The following ANKRD30BL variants were observed in gnomAD, a reference collection of about 807,000 sequenced individuals.
ANKRD30BL encodes ankyrin repeat domain 30B like.
A neutral mutation model predicts 18.4 loss-of-function variants in ANKRD30BL; 20 were observed. That is an observed-to-expected ratio of 1.09 (90% CI 0.77 to 1.58). The LOEUF (loss-of-function observed/expected upper bound fraction) is 1.58, where lower values mean the gene tolerates loss of function less well. ANKRD30BL is among the 40% of genes most tolerant of loss of function. The probability of loss-of-function intolerance (pLI) is 0.00; values close to 1 mark genes in which losing one functional copy is unlikely to be tolerated. For synonymous variants in ANKRD30BL, 72 were observed against 100.9 expected, an observed-to-expected ratio of 0.71 and a Z score of 1.72; for missense variants, 224 against 268.6, an observed-to-expected ratio of 0.83 and a Z score of 1.16.
At chr2:132,249,700 A>C (rs1429713953) in intron 1 of ANKRD30BL, among the ~76,000 whole-genome samples, 2 of 152,168 alleles carry the variant, frequency 1.3e-5, no homozygotes, top group Non-Finnish European at 2.9e-5. Flanking sequence ...TGCCGATTCT[A>C]CAAAAATACT....
chr2:132,231,927 A>G lies in ANKRD30BL; in HGVS notation n.441+25602T>C, dbSNP rs1182363288. ...AAAGCAGTAACCTCTGCAGACTTAA[A>G]TGTCCCTGTCTGACAGCTTTGAAGA... On this transcript the variant is annotated intron_variant and non_coding_transcript_variant, in intron 1 of 4. Coordinates refer to the ANKRD30BL transcript ENST00000470729. 2.6e-5 allele frequency among the ~76,000 whole-genome samples: 4 copies of G among 152,184 alleles called. No homozygotes were observed. In the East Asian group the frequency reaches 7.7e-4, roughly 29 times the overall value.
In ANKRD30BL at chr2:132,152,389, A is replaced by T. The variant is rs577400021; in HGVS notation, c.615-1413T>A. ...ATACGTGAAGACTGATCAGTGATGG[A>T]TGAGGCTTAGCTCTGTTAAATCTAA... On this transcript the variant is annotated intron_variant, in intron 4 of 5. Coordinates refer to ENST00000409867, the MANE Select transcript of ANKRD30BL (RefSeq NM_001358416.1). 11 of 152,344 alleles carry T rather than the reference A, an allele frequency of 7.2e-5. No homozygotes were observed. In the South Asian group the frequency reaches 2.1e-3, roughly 29 times the overall value. The allele number at this position is 152,344 out of a possible 1,614,324, so 9.4% of individuals were successfully genotyped here.
At chr2:132,235,151 A>T (rs968292548) in intron 1 of ANKRD30BL, among the ~76,000 whole-genome samples, 1 of 152,210 alleles carries the variant, frequency 6.6e-6, no homozygotes, top group Non-Finnish European at 1.5e-5. Flanking sequence ...TTCATGCTAA[A>T]ATCTCTCAAT....
chr2:132,243,418 T>A (rs1366688479), intron 1 of ANKRD30BL, among the ~76,000 whole-genome samples: 1 of 151,602 alleles, frequency 6.6e-6, no homozygotes, highest in Non-Finnish European at 1.5e-5. Flanking sequence ...GACAGAAGAA[T>A]TCTTACAAAT....
chr2:132,257,320 G>A (rs538854235), intron 1 of ANKRD30BL, among the ~76,000 whole-genome samples: 2 of 152,358 alleles, frequency 1.3e-5, no homozygotes, highest in East Asian at 3.9e-4. Context: ...CGGGCAGAGA[G>A]CCGGCTCACA....
Position 132,256,070 on chromosome 2 carries a change from C to G in ANKRD30BL, n.441+1459G>C, listed in dbSNP as rs573571144. Among the ~76,000 whole-genome samples, 195 of 152,310 alleles carry G rather than the reference C, an allele frequency of 1.3e-3. 4 individuals carry two copies. The highest frequency in any genetic ancestry group is 4.4e-3 in the African/African-American group (182 of 41,570). The stretch of plus-strand genomic sequence containing the variant: ...GTTTTCCAAGTAGGAGAGGAGCCAG[C>G]GACCAAAAGAACCATAACTGATTTA... On this transcript the variant is annotated intron_variant and non_coding_transcript_variant, in intron 1 of 4. Transcript: ENST00000470729.
intron 1 of ANKRD30BL, among the ~76,000 whole-genome samples, chr2:132,193,780 A>G (rs1033955903): frequency 6.1e-4 from 93 of 151,418 alleles, no homozygotes; most frequent in Admixed American, 1.1e-3. Flanking sequence ...AGAGGTAGAA[A>G]CAGGAATGTC....
chr2:132,217,236 G>A (rs1422215515), intron 1 of ANKRD30BL, among the ~76,000 whole-genome samples: 2 of 152,060 alleles, frequency 1.3e-5, no homozygotes, highest in Non-Finnish European at 2.9e-5. Flanking sequence ...GGACCACTTT[G>A]AGGCTTTTGT....
At chr2:132,173,763 T>C (rs1688320395) in intron 1 of ANKRD30BL, among the ~76,000 whole-genome samples, 1 of 152,316 alleles carries the variant, frequency 6.6e-6, no homozygotes, top group Non-Finnish European at 1.5e-5. Flanking sequence ...TATTTGTATG[T>C]GAGTTTTATT....
intron 1 of ANKRD30BL, among the ~76,000 whole-genome samples, chr2:132,248,790 C>A (rs548999778): frequency 1.3e-5 from 2 of 152,062 alleles, no homozygotes; most frequent in Admixed American, 6.6e-5. Context: ...AAGATATTTC[C>A]TTTTTCACCA....
At position 132,148,366 on chromosome 2, in the gene ANKRD30BL, T is replaced by G. The variant is rs1171685483; in HGVS notation, c.680-138A>C. On this transcript the variant is annotated intron_variant, in intron 5 of 5. Transcript: ENST00000409867. ...TTTGTTTTCTCCTTTTTTTTTTTTT[T>G]TTTTTTTTTTTTTTTTTGAGACAAG... The G allele has an allele frequency of 9.9e-6, 6 of 608,158 alleles. No homozygotes were observed. In the African/African-American group the frequency reaches 1.4e-4, roughly 14 times the overall value. 37.7% of individuals were successfully genotyped at this position (608,158 alleles called of 1,614,324 possible).
At chr2:132,148,531 C>G (rs1016760890) in intron 5 of ANKRD30BL, among the ~76,000 whole-genome samples, 7 of 151,614 alleles carry the variant, frequency 4.6e-5, no homozygotes, top group East Asian at 1.9e-4. Flanking sequence ...CACCCAGGCC[C>G]AGCTAATTTT....
chr2:132,212,781 G>C (rs1053292397), intron 1 of ANKRD30BL, among the ~76,000 whole-genome samples: 1 of 151,876 alleles, frequency 6.6e-6, no homozygotes, highest in African/African-American at 2.4e-5. Context: ...GGAGCTCTTT[G>C]TAGCCTATGG....
intron 1 of ANKRD30BL, among the ~76,000 whole-genome samples, chr2:132,172,711 C>CTTT (rs36085588): frequency 4.9e-5 from 7 of 143,514 alleles, no homozygotes; most frequent in African/African-American, 1.5e-4. Context: ...TTGAGGGTGA[C>CTTT]TTTTTTTTTT....
chr2:132,227,097 C>T (rs918066305), intron 1 of ANKRD30BL, among the ~76,000 whole-genome samples: 1 of 152,072 alleles, frequency 6.6e-6, no homozygotes, highest in Non-Finnish European at 1.5e-5. Context: ...GCATTCTACT[C>T]ACAGAGTTGA....
At chr2:132,237,482 T>G (rs1405232086) in intron 1 of ANKRD30BL, among the ~76,000 whole-genome samples, 2 of 152,008 alleles carry the variant, frequency 1.3e-5, no homozygotes, top group South Asian at 4.1e-4. Context: ...TCTCAGAAAC[T>G]TATTTGTGAT....
chr2:132,202,309 A>G (rs946681118), intron 1 of ANKRD30BL, among the ~76,000 whole-genome samples: 28 of 151,746 alleles, frequency 1.8e-4, no homozygotes, highest in African/African-American at 5.1e-4. Flanking sequence ...ATAAAAAAGT[A>G]CATCACCAAA....
At chr2:132,153,552 C>T (rs755873904) in intron 4 of ANKRD30BL, 6 of 549,276 alleles carry the variant, frequency 1.1e-5, no homozygotes, top group Non-Finnish European at 1.1e-5. Context: ...AATGTAAACA[C>T]TTAGAGATTA....
rs1279679975 is a variant in ANKRD30BL, at chr2:132,191,687, C to G, written n.442-34541G>C. On this transcript the variant is annotated intron_variant and non_coding_transcript_variant, in intron 1 of 4. Coordinates refer to the ANKRD30BL transcript ENST00000470729. ...TTTGGTTATTGTCATCTACTCAAAT[C>G]TCTTACCCATTTTGTTATTGTGTTG... Among the ~76,000 whole-genome samples, 3 of 150,820 alleles carry G rather than the reference C, an allele frequency of 2.0e-5. No individual in the cohort carries two copies. In the South Asian group the frequency reaches 6.2e-4, roughly 31 times the overall value.
Sources: allele counts gnomAD v4.1 joint callset (sites outside exome capture counted in the v4.1 genomes callset), GRCh38; gene constraint gnomAD v4.1.1; transcripts MANE v1.5; gene names NCBI Gene and HGNC (gene_info 2026-07-23, HGNC 2026-07-21).